DIAPH2: variants seen among roughly 807,000 people sequenced by gnomAD.
DIAPH2 encodes the protein diaphanous related formin 2.
In DIAPH2, 35 loss-of-function variants were observed where a neutral mutation model predicts 92.7. That is an observed-to-expected ratio of 0.38 (90% CI 0.29 to 0.50). The LOEUF (loss-of-function observed/expected upper bound fraction) is 0.50. Ranked by LOEUF, DIAPH2 falls within the 20% of genes least tolerant of loss-of-function variation. The probability of loss-of-function intolerance (pLI) is 0.94; values close to 1 mark genes in which losing one functional copy is unlikely to be tolerated. For missense variants in DIAPH2, 701 were observed against 819.5 expected (o/e 0.86, Z 1.77); for synonymous variants, 301 against 280.4 (o/e 1.07, Z -0.73).
At chrX:97,583,619 G>C (rs1251774028) in intron 26 of DIAPH2, among the ~76,000 whole-genome samples, 1 of 112,442 alleles carries the variant, frequency 8.9e-6, no homozygotes, top group African/African-American at 3.2e-5. Flanking sequence ...GGTTACTGCT[G>C]TCTTTTTGTT....
chrX:96,952,529 T>C (rs1442348836), intron 15 of DIAPH2, among the ~76,000 whole-genome samples: 1 of 108,622 alleles, frequency 9.2e-6, no homozygotes, highest in Non-Finnish European at 1.9e-5. Flanking sequence ...AGGTCAGGAG[T>C]TCTAGACCAG....
chrX:97,592,442 T>G (rs1414463579), intron 26 of DIAPH2, among the ~76,000 whole-genome samples: 1 of 111,990 alleles, frequency 8.9e-6, no homozygotes, highest in Non-Finnish European at 1.9e-5. Flanking sequence ...CAGAGTTTCA[T>G]GTTGATAACA....
chrX:96,752,923 C>T (rs1291336521), intron 3 of DIAPH2, among the ~76,000 whole-genome samples: 1 of 111,745 alleles, frequency 8.9e-6, no homozygotes, highest in Admixed American at 9.5e-5. Flanking sequence ...TGACAACATT[C>T]CTCTGAGGTG....
chrX:97,302,863 A>T (rs1193545724), intron 23 of DIAPH2, among the ~76,000 whole-genome samples: 2 of 111,332 alleles, frequency 1.8e-5, no homozygotes, highest in Non-Finnish European at 3.8e-5. Flanking sequence ...GTGCGCCTAT[A>T]GTCACAGCTA....
chrX:97,388,600 G>T (rs1054856409), intron 25 of DIAPH2, among the ~76,000 whole-genome samples: 2 of 111,226 alleles, frequency 1.8e-5, no homozygotes, highest in Admixed American at 1.9e-4. Flanking sequence ...TATAGCATGT[G>T]TGTTTGAATG....
At chrX:97,491,029 A>G (rs2070721966) in intron 26 of DIAPH2, among the ~76,000 whole-genome samples, 1 of 110,952 alleles carries the variant, frequency 9.0e-6, no homozygotes, top group Admixed American at 9.6e-5. Context: ...CCAATACCAT[A>G]GTGCTGTCTG....
At chrX:97,534,647 A>AATG (rs2071083306) in intron 26 of DIAPH2, among the ~76,000 whole-genome samples, 1 of 111,432 alleles carries the variant, frequency 9.0e-6, no homozygotes, top group Non-Finnish European at 1.9e-5. Context: ...GTAGTGTTAC[A>AATG]ATGAAAGAAA....
chrX:97,046,509 A>T (rs1282965352), intron 17 of DIAPH2, among the ~76,000 whole-genome samples: 1 of 111,795 alleles, frequency 8.9e-6, no homozygotes, highest in Non-Finnish European at 1.9e-5. Context: ...GATTGATGTG[A>T]AGTGAATCAT....
intron 4 of DIAPH2, among the ~76,000 whole-genome samples, chrX:96,845,174 T>A (rs2064963256): frequency 8.9e-6 from 1 of 111,849 alleles, no homozygotes; most frequent in East Asian, 2.8e-4. Flanking sequence ...ATTTTAAGGT[T>A]GCACTGCAAT....
intron 15 of DIAPH2, 66 bp from the exon 16 acceptor site, chrX:96,957,762 A>G (rs1420150793): frequency 6.2e-5 from 47 of 753,017 alleles, no homozygotes; most frequent in East Asian, 2.8e-4. Flanking sequence ...ATCTATTGAT[A>G]TATATTTCTT....
In DIAPH2 at chrX:97,602,186, C is replaced by CTT. The variant is rs778004407; in HGVS notation, c.*2871_*2872dup. 8.0e-5 allele frequency: 9 copies of CTT among 112,422 alleles called. No homozygotes were observed. Among genetic ancestry groups the CTT allele is most frequent in the African/African-American group, 2.6e-4 (8 of 30,987 alleles). 9.3% of individuals were successfully genotyped at this position (112,422 alleles called of 1,213,427 possible). A position where few individuals can be genotyped will look rare whatever the true frequency, so the allele number is the denominator to read the frequency against. ...CACTCTTAGCCCACCAGAGTCTGCC[C>CTT]TTTGGCCCAAAATTTATGTCTGTCT... On this transcript the variant is annotated 3_prime_UTR_variant, in exon 27 of 27. Transcript: ENST00000324765.
At chrX:96,758,064 A>C in intron 3 of DIAPH2, 90 bp from the exon 4 acceptor site, 1 of 781,033 alleles carries the variant, frequency 1.3e-6, no homozygotes, top group Non-Finnish European at 1.8e-6. Flanking sequence ...TAGTATTTTA[A>C]GACATAGAAA....
intron 25 of DIAPH2, among the ~76,000 whole-genome samples, chrX:97,399,814 ATTCAAAATC>A (rs2147747974): frequency 8.9e-6 from 1 of 112,573 alleles, no homozygotes; most frequent in East Asian, 2.8e-4. Flanking sequence ...CATTAGGTTG[ATTCAAAATC>A]TTTTGGAAAT....
In DIAPH2 at chrX:96,696,794, C is replaced by A. The variant is rs190325541; in HGVS notation, c.132+11604C>A. 8.9e-5 allele frequency among the ~76,000 whole-genome samples: 10 copies of A among 112,007 alleles called. No individual in the cohort carries two copies. The South Asian group carries it at 3.7e-3, about 41-fold the overall frequency. On this transcript the variant is annotated intron_variant, in intron 1 of 26. Transcript: ENST00000324765. ...ACCAGTTTTTGTTCTAAGTGCTTTG[C>A]GTGTATTTGTTAAGAACTGTGCAAG...
At chrX:96,740,775 T>C (rs1013235830) in intron 3 of DIAPH2, among the ~76,000 whole-genome samples, 1 of 111,529 alleles carries the variant, frequency 9.0e-6, no homozygotes, top group Non-Finnish European at 1.9e-5. Context: ...CCTATTCCAA[T>C]CCAGTATTGC....
chrX:97,268,896 G>GTCC (rs1327571559), intron 23 of DIAPH2, among the ~76,000 whole-genome samples: 4 of 75,909 alleles, frequency 5.3e-5, no homozygotes, highest in Non-Finnish European at 9.2e-5. Flanking sequence ...TCACTCTGTT[G>GTCC]TCCAGGCTGG....
chrX:97,112,779 T>C (rs2066990762), intron 20 of DIAPH2, among the ~76,000 whole-genome samples: 1 of 73,515 alleles, frequency 1.4e-5, no homozygotes, highest in African/African-American at 5.3e-5. Flanking sequence ...TTTTTTTTTT[T>C]TTTTTTTTTT....
chrX:97,312,624 C>T (rs1283348449), intron 23 of DIAPH2, among the ~76,000 whole-genome samples: 1 of 111,158 alleles, frequency 9.0e-6, no homozygotes, highest in Non-Finnish European at 1.9e-5. Flanking sequence ...GCTGGGATTA[C>T]GGGCATCGGC....
At chrX:97,275,415 G>C (rs1417590898) in intron 23 of DIAPH2, among the ~76,000 whole-genome samples, 1 of 104,950 alleles carries the variant, frequency 9.5e-6, no homozygotes, top group East Asian at 3.2e-4. Context: ...GGCCAGGCGG[G>C]GGCTGCCCCC....
Sources: allele counts gnomAD v4.1 joint callset (sites outside exome capture counted in the v4.1 genomes callset), GRCh38; gene constraint gnomAD v4.1.1; transcripts MANE v1.5; gene names NCBI Gene and HGNC (gene_info 2026-07-23, HGNC 2026-07-21).